The following TRPM3 variants were observed in gnomAD, a reference collection of about 807,000 sequenced individuals.
The protein encoded by TRPM3 is transient receptor potential cation channel subfamily M member 3.
In TRPM3, 77 loss-of-function variants were observed where a neutral mutation model predicts 181.2. The ratio of observed to expected loss-of-function variants is 0.42; its 90% CI spans 0.35 to 0.51. TRPM3 has a LOEUF of 0.51. Among genes scored for constraint, TRPM3 ranks in the 20% least tolerant of loss-of-function variants. The probability of loss-of-function intolerance (pLI) is 0.01; values close to 1 mark genes in which losing one functional copy is unlikely to be tolerated. For missense variants in TRPM3, 1,759 were observed against 2,196.7 expected (o/e 0.80, Z 3.98); for synonymous variants, 745 against 796.4 (o/e 0.94, Z 1.09).
In TRPM3 at chr9:70,531,829, G is replaced by T. The variant is rs146960357; in HGVS notation, c.*4124C>A. On this transcript the variant is annotated 3_prime_UTR_variant, in exon 26 of 26. Coordinates refer to ENST00000677713, the MANE Select transcript of TRPM3 (RefSeq NM_001366145.2). Reference sequence around the variant, plus strand: ...CCACAGCTCGCAGGACTCATTAGAGGATATACATCAGCTTACACACATATT... The same window carrying T: ...CCACAGCTCGCAGGACTCATTAGAGTATATACATCAGCTTACACACATATT... 6.6e-6 allele frequency: 1 copy of T among 152,092 alleles called. No individual in the cohort carries two copies. Among genetic ancestry groups the T allele is most frequent in the Non-Finnish European group, 1.5e-5 (1 of 68,028 alleles). 9.4% of individuals were successfully genotyped at this position (152,092 alleles called of 1,614,324 possible). A position where few individuals can be genotyped will look rare whatever the true frequency, so the allele number is the denominator to read the frequency against.
At chr9:71,008,238 C>T (rs575842868) in intron 1 of TRPM3, among the ~76,000 whole-genome samples, 17 of 151,990 alleles carry the variant, frequency 1.1e-4, no homozygotes, top group Non-Finnish European at 2.2e-4. Flanking sequence ...AAAACGTGAA[C>T]AGACCAATAA....
rs149923911 is a variant in TRPM3, at chr9:70,565,417, C to A, written c.3224-12107G>T. On this transcript the variant is annotated intron_variant, in intron 22 of 25. Coordinates refer to ENST00000677713, the MANE Select transcript of TRPM3 (RefSeq NM_001366145.2). Reference sequence around the variant, plus strand: ...CAAGTGATTCTCCTGCCTCAGCCTCCCAAGTAGCTGGGATTACAGGCACAA... The same window carrying A: ...CAAGTGATTCTCCTGCCTCAGCCTCACAAGTAGCTGGGATTACAGGCACAA... Among the ~76,000 whole-genome samples the A allele has an allele frequency of 5.7e-3, 865 of 152,158 alleles. 7 individuals carry two copies. The highest frequency in any genetic ancestry group is 0.016 in the African/African-American group (683 of 41,506).
chr9:71,032,042 A>T (rs372672365), intron 1 of TRPM3, among the ~76,000 whole-genome samples: 40 of 3,128 alleles, frequency 0.013, 6 homozygotes, highest in South Asian at 0.071. Context: ...AAATATATAT[A>T]TATATATTAT....
At chr9:71,221,048 T>C (rs2080210277) in intron 1 of TRPM3, among the ~76,000 whole-genome samples, 1 of 152,186 alleles carries the variant, frequency 6.6e-6, no homozygotes, top group African/African-American at 2.4e-5. Context: ...GTGAATGAGC[T>C]AGTGAAAATG....
At chr9:70,864,377 G>A (rs1351243067) in intron 2 of TRPM3, 55 bp downstream of exon 2, 6 of 1,256,852 alleles carry the variant, frequency 4.8e-6, no homozygotes, top group South Asian at 1.8e-5. Context: ...TACTCTTGCA[G>A]GTTTTTTGTA....
chr9:71,215,047 C>CAAAAAAA (rs72383590), intron 1 of TRPM3, among the ~76,000 whole-genome samples: 1 of 112,558 alleles, frequency 8.9e-6, no homozygotes, highest in Non-Finnish European at 1.9e-5. Flanking sequence ...AAAAAAAAAA[C>CAAAAAAA]AAAAAAAAAA....
intron 1 of TRPM3, among the ~76,000 whole-genome samples, chr9:71,201,032 T>C (rs1010079450): frequency 1.2e-4 from 19 of 152,300 alleles, no homozygotes; most frequent in African/African-American, 2.9e-4. Context: ...TTTCCATGTT[T>C]AGTGCTTCCT....
intron 1 of TRPM3, among the ~76,000 whole-genome samples, chr9:71,107,345 T>C (rs2069906180): frequency 6.6e-6 from 1 of 152,116 alleles, no homozygotes; most frequent in Non-Finnish European, 1.5e-5. Context: ...CTTCTTCTGG[T>C]TGGTATCTCC....
Position 70,970,633 on chromosome 9 carries a change from G to A in TRPM3, c.178-106122C>T, listed in dbSNP as rs1042118430. 1.1e-4 allele frequency among the ~76,000 whole-genome samples: 16 copies of A among 152,202 alleles called. No homozygotes were observed. The South Asian group carries it at 2.5e-3, about 24-fold the overall frequency. The stretch of plus-strand genomic sequence containing the variant: ...GAATAACATTTGCCCATTATCTTGT[G>A]TTTCAACTATATTTACTGCAATAAA... On this transcript the variant is annotated intron_variant, in intron 1 of 25. Transcript: ENST00000677713.
chr9:70,887,063 T>C (rs2096099207), intron 1 of TRPM3, among the ~76,000 whole-genome samples: 1 of 152,176 alleles, frequency 6.6e-6, no homozygotes, highest in Admixed American at 6.5e-5. Flanking sequence ...TACATTAAAA[T>C]CTGTAATAGC....
At chr9:70,911,088 C>T (rs1366096292) in intron 1 of TRPM3, among the ~76,000 whole-genome samples, 1 of 152,136 alleles carries the variant, frequency 6.6e-6, no homozygotes, top group Non-Finnish European at 1.5e-5. Flanking sequence ...AAACAATTTT[C>T]CTTACCAGAG....
At chr9:71,444,474 T>C (rs1299325830) in intron 1 of TRPM3, among the ~76,000 whole-genome samples, 1 of 152,150 alleles carries the variant, frequency 6.6e-6, no homozygotes, top group African/African-American at 2.4e-5. Context: ...TACCACAATA[T>C]TTTGGGGACA....
At chr9:71,226,906 A>G (rs2080702275) in intron 1 of TRPM3, among the ~76,000 whole-genome samples, 1 of 152,038 alleles carries the variant, frequency 6.6e-6, no homozygotes, top group Admixed American at 6.6e-5. Context: ...ATAAATATTT[A>G]TAGAACATTT....
At chr9:71,116,896 AATGAG>A (rs1381146504) in intron 1 of TRPM3, among the ~76,000 whole-genome samples, 1 of 152,164 alleles carries the variant, frequency 6.6e-6, no homozygotes, top group Non-Finnish European at 1.5e-5. Context: ...CATCCTCATT[AATGAG>A]ATGAGTGAGA....
intron 1 of TRPM3, among the ~76,000 whole-genome samples, chr9:71,047,705 A>G (rs181104327): frequency 6.6e-6 from 1 of 152,284 alleles, no homozygotes; most frequent in Non-Finnish European, 1.5e-5. Context: ...CAAAAGCTAG[A>G]ATGGCTAAAT....
At position 70,905,155 on chromosome 9, in the gene TRPM3, T is replaced by C. The variant is rs561243447; in HGVS notation, c.178-40644A>G. Among the ~76,000 whole-genome samples, 35 of 152,338 alleles carry C rather than the reference T, an allele frequency of 2.3e-4. 1 individual carries two copies. The highest frequency in any genetic ancestry group is 7.9e-4 in the African/African-American group (33 of 41,572). On this transcript the variant is annotated intron_variant, in intron 1 of 25. Coordinates refer to ENST00000677713, the MANE Select transcript of TRPM3 (RefSeq NM_001366145.2). ...TACAAATGCAATGTGGGTCATATTC[T>C]AGAGGAGCATTTCCCAAACCTATGC...
intron 22 of TRPM3, among the ~76,000 whole-genome samples, chr9:70,562,956 A>C (rs1032484849): frequency 2.6e-4 from 39 of 152,156 alleles, no homozygotes; most frequent in Admixed American, 1.5e-3. Flanking sequence ...CTGCTTTGTC[A>C]TGTGATGTTA....
intron 1 of TRPM3, among the ~76,000 whole-genome samples, chr9:71,232,987 C>T (rs1473829673): frequency 6.6e-6 from 1 of 152,150 alleles, no homozygotes; most frequent in Admixed American, 6.5e-5. Flanking sequence ...TATACCTGCT[C>T]TGTCATCAGC....
intron 1 of TRPM3, among the ~76,000 whole-genome samples, chr9:70,960,286 T>G (rs1176574233): frequency 6.6e-6 from 1 of 152,158 alleles, no homozygotes; most frequent in African/African-American, 2.4e-5. Context: ...GAACAGCATC[T>G]CAGCTCTGTT....
Sources: gnomAD v4.1 joint callset for allele counts (sites outside exome capture counted in the v4.1 genomes callset) on GRCh38, gnomAD v4.1.1 for gene constraint, MANE v1.5 for transcripts, NCBI Gene and HGNC (gene_info 2026-07-23, HGNC 2026-07-21) for gene names.